Variants in INPP4B observed in about 807,000 individuals in gnomAD.
INPP4B encodes the protein inositol polyphosphate 4-phosphatase type II.
A neutral mutation model predicts 122.5 loss-of-function variants in INPP4B; 55 were observed. The ratio of observed to expected loss-of-function variants is 0.45; its 90% CI spans 0.36 to 0.56. The LOEUF (loss-of-function observed/expected upper bound fraction) is 0.56, where lower values mean the gene tolerates loss of function less well. INPP4B is among the 20% of genes least tolerant of loss of function. The probability of loss-of-function intolerance (pLI) is 0.00; values close to 1 mark genes in which losing one functional copy is unlikely to be tolerated. For missense variants in INPP4B, 1,000 were observed against 1,097.7 expected, an observed-to-expected ratio of 0.91 and a Z score of 1.26; for synonymous variants, 403 against 388.7, an observed-to-expected ratio of 1.04 and a Z score of -0.43.
intron 25 of INPP4B, among the ~76,000 whole-genome samples, chr4:142,066,477 T>C (rs1763555810): frequency 6.6e-6 from 1 of 152,170 alleles, no homozygotes; most frequent in Non-Finnish European, 1.5e-5. Flanking sequence ...TCTGGTCCAG[T>C]AGTTCTGGGA....
At chr4:142,613,702 A>C (rs866992384) in intron 2 of INPP4B, among the ~76,000 whole-genome samples, 1 of 152,364 alleles carries the variant, frequency 6.6e-6, no homozygotes. Flanking sequence ...ATACAATAAC[A>C]AATGGAGAAT....
intron 23 of INPP4B, among the ~76,000 whole-genome samples, chr4:142,097,591 A>G (rs558888004): frequency 3.3e-5 from 5 of 152,134 alleles, no homozygotes; most frequent in South Asian, 2.1e-4. Context: ...ATTTTGCCCT[A>G]TAGTAGCCAA....
At chr4:142,142,023 A>G (rs989261514) in intron 18 of INPP4B, among the ~76,000 whole-genome samples, 1 of 152,112 alleles carries the variant, frequency 6.6e-6, no homozygotes, top group Non-Finnish European at 1.5e-5. Flanking sequence ...ACAAAAAACC[A>G]GAAGTAATAC....
At chr4:142,722,704 C>G (rs545914221) in intron 2 of INPP4B, among the ~76,000 whole-genome samples, 1 of 152,210 alleles carries the variant, frequency 6.6e-6, no homozygotes, top group South Asian at 2.1e-4. Context: ...AGTTTAAATA[C>G]TCATTGGGAG....
chr4:142,524,051 C>G (rs1454620927), intron 2 of INPP4B, among the ~76,000 whole-genome samples: 3 of 150,896 alleles, frequency 2.0e-5, no homozygotes, highest in Non-Finnish European at 4.4e-5. Context: ...TTAATCCAGT[C>G]TATCATTGTT....
At chr4:142,303,943 A>G (rs1370722510) in intron 9 of INPP4B, among the ~76,000 whole-genome samples, 1 of 152,084 alleles carries the variant, frequency 6.6e-6, no homozygotes, top group Non-Finnish European at 1.5e-5. Context: ...TTTTACTAAG[A>G]ACTGCTTGTC....
At chr4:142,579,377 G>T (rs2150192600) in intron 2 of INPP4B, among the ~76,000 whole-genome samples, 1 of 152,128 alleles carries the variant, frequency 6.6e-6, no homozygotes, top group African/African-American at 2.4e-5. Flanking sequence ...AAGAAGGAAA[G>T]AAGAGTGGTT....
intron 25 of INPP4B, among the ~76,000 whole-genome samples, chr4:142,051,556 A>C (rs1434819710): frequency 6.6e-6 from 1 of 152,036 alleles, no homozygotes; most frequent in Non-Finnish European, 1.5e-5. Flanking sequence ...CTGTAAATAC[A>C]TAAAAAAGTC....
intron 9 of INPP4B, among the ~76,000 whole-genome samples, chr4:142,273,877 G>T (rs1747111023): frequency 6.6e-6 from 1 of 151,726 alleles, no homozygotes; most frequent in South Asian, 2.1e-4. Flanking sequence ...CTAAACACAA[G>T]ACATCCAAAA....
At chr4:142,186,966 T>C (rs569009279) in intron 15 of INPP4B, among the ~76,000 whole-genome samples, 1 of 152,218 alleles carries the variant, frequency 6.6e-6, no homozygotes, top group Non-Finnish European at 1.5e-5. Context: ...GAGTTGTATA[T>C]AGGAAAGTCC....
chr4:142,142,189 G>T (rs1808211430), intron 18 of INPP4B, among the ~76,000 whole-genome samples: 1 of 151,950 alleles, frequency 6.6e-6, no homozygotes, highest in Admixed American at 6.6e-5. Flanking sequence ...AATGGCTTGG[G>T]CTGGGATAAA....
intron 2 of INPP4B, among the ~76,000 whole-genome samples, chr4:142,622,763 T>C (rs1425560584): frequency 6.6e-6 from 1 of 152,004 alleles, no homozygotes; most frequent in African/African-American, 2.4e-5. Context: ...TCTTAGACCC[T>C]TATTTTGTTA....
chr4:142,545,743 GTA>G (rs1462200736), intron 2 of INPP4B, among the ~76,000 whole-genome samples: 89 of 131,970 alleles, frequency 6.7e-4, no homozygotes, highest in South Asian at 1.4e-3. Flanking sequence ...ACATATATGT[GTA>G]TATATATACA....
chr4:142,681,561 G>A (rs1471160752), intron 2 of INPP4B, among the ~76,000 whole-genome samples: 1 of 151,800 alleles, frequency 6.6e-6, no homozygotes, highest in Non-Finnish European at 1.5e-5. Context: ...TGGATAACTC[G>A]AGATGGAGTG....
intron 25 of INPP4B, chr4:142,029,610 C>T: frequency 1.0e-6 from 1 of 984,868 alleles, no homozygotes; most frequent in African/African-American, 1.7e-5. Flanking sequence ...CATAAATAGC[C>T]ATTCTCTCCA....
chr4:142,433,217 A>T (rs1025782309), intron 3 of INPP4B, among the ~76,000 whole-genome samples: 1 of 152,192 alleles, frequency 6.6e-6, no homozygotes, highest in Non-Finnish European at 1.5e-5. Flanking sequence ...TTTAGCTGTT[A>T]AGTAGAGCAT....
chr4:142,645,387 C>T (rs1181339458), intron 2 of INPP4B, among the ~76,000 whole-genome samples: 2 of 152,128 alleles, frequency 1.3e-5, no homozygotes, highest in African/African-American at 2.4e-5. Context: ...TAATTTGTTT[C>T]CAAATATCCA....
At chr4:142,782,317 AT>A (rs1401426176) in intron 1 of INPP4B, among the ~76,000 whole-genome samples, 1 of 150,124 alleles carries the variant, frequency 6.7e-6, no homozygotes, top group African/African-American at 2.4e-5. Flanking sequence ...TGAACTCATC[AT>A]TTTTTATGGC....
chr4:142,816,695 C>T (rs1348450435), intron 1 of INPP4B, among the ~76,000 whole-genome samples: 1 of 152,060 alleles, frequency 6.6e-6, no homozygotes, highest in African/African-American at 2.4e-5. Context: ...TACATACACA[C>T]ACACATATTC....
Sources: gnomAD v4.1 joint callset for allele counts (sites outside exome capture counted in the v4.1 genomes callset) on GRCh38, gnomAD v4.1.1 for gene constraint, MANE v1.5 for transcripts, NCBI Gene and HGNC (gene_info 2026-07-23, HGNC 2026-07-21) for gene names.